The following LIMK1 variants were observed in gnomAD, a reference collection of about 807,000 sequenced individuals.
The protein encoded by LIMK1 is LIM motif-containing protein kinase.
A neutral mutation model predicts 77.6 loss-of-function variants in LIMK1; 21 were observed. The observed-to-expected ratio is 0.27, with a 90% CI of 0.19 to 0.39. LIMK1 has a LOEUF of 0.39. Among genes scored for constraint, LIMK1 ranks in the 10% least tolerant of loss-of-function variants. The pLI is 1.00. For missense variants in LIMK1, 696 were observed against 901.6 expected, an observed-to-expected ratio of 0.77 and a Z score of 2.92; for synonymous variants, 358 against 370.0, an observed-to-expected ratio of 0.97 and a Z score of 0.37.
At chr7:74,100,476 G>A (rs997476336) in intron 5 of LIMK1, among the ~76,000 whole-genome samples, 3 of 152,116 alleles carry the variant, frequency 2.0e-5, no homozygotes, top group African/African-American at 7.2e-5. Flanking sequence ...AGTCTGGGGT[G>A]CAGTGGTGTG....
Position 74,105,988 on chromosome 7 carries a change from C to A in LIMK1, c.714+8C>A, listed in dbSNP as rs781832379. ...AATGTGCCCCTGGACGAGGTACGGT[C>A]CTGAGTCTGTGGGGCAGGACGGGAG... On this transcript the variant is annotated splice_region_variant and intron_variant, in intron 6 of 15. Transcript: ENST00000336180. 6.2e-7 allele frequency: 1 copy of A among 1,613,880 alleles called. No individual in the cohort carries two copies. Among genetic ancestry groups the A allele is most frequent in the Admixed American group, 1.7e-5 (1 of 60,002 alleles).
chr7:74,083,954 GC>G lies in LIMK1; in HGVS notation c.-33del. ...GAGCTCGCGGGCCCGGCCGCCCCCA[GC>G]CCCAGCCCCGCCGGGCCCCGCCCCC... On this transcript the variant is annotated 5_prime_UTR_variant, in exon 1 of 16. Transcript: ENST00000336180. 1 of 962,202 alleles carries G rather than the reference GC, an allele frequency of 1.0e-6. No individual in the cohort carries two copies. Among genetic ancestry groups the G allele is most frequent in the Non-Finnish European group, 1.4e-6 (1 of 728,748 alleles). The allele number at this position is 962,202 out of a possible 1,614,324, so 59.6% of individuals were successfully genotyped here.
chr7:74,120,228 A>G (rs1554700312), intron 13 of LIMK1, among the ~76,000 whole-genome samples: 1 of 152,222 alleles, frequency 6.6e-6, no homozygotes, highest in Non-Finnish European at 1.5e-5. Context: ...TCCCATCTGC[A>G]AAAGACCCTT....
At chr7:74,119,912 TA>T (rs1488715397) in intron 13 of LIMK1, among the ~76,000 whole-genome samples, 1 of 152,108 alleles carries the variant, frequency 6.6e-6, no homozygotes, top group Non-Finnish European at 1.5e-5. Flanking sequence ...CATCTCAAGA[TA>T]AAATAAACAG....
rs141325537 is a variant in LIMK1 at position 74,115,163 on chromosome 7, C to G, written c.1411-639C>G. ...TCTTGATGGGCACAGTGGCTCACAC[C>G]TGTAATCCCAGCACTTTGGTAGGCC... is the stretch of plus-strand genomic sequence containing the variant. On this transcript the variant is annotated intron_variant, in intron 12 of 15. Coordinates refer to ENST00000336180, the MANE Select transcript of LIMK1 (RefSeq NM_002314.4). Among the ~76,000 whole-genome samples, 3 of 152,302 alleles carry G rather than the reference C, an allele frequency of 2.0e-5. No homozygotes were observed. In the East Asian group the frequency reaches 5.8e-4, roughly 29 times the overall value.
chr7:74,086,573 G>A (rs1799141475), intron 2 of LIMK1, among the ~76,000 whole-genome samples: 1 of 152,084 alleles, frequency 6.6e-6, no homozygotes, highest in Non-Finnish European at 1.5e-5. Context: ...TGAGACCCAG[G>A]CTGGTCTTGA....
At chr7:74,108,016 C>G (rs1044129785) in intron 9 of LIMK1, 59 bp downstream of exon 9, 5 of 1,273,890 alleles carry the variant, frequency 3.9e-6, no homozygotes, top group South Asian at 3.8e-5. Context: ...CACCCCTGCC[C>G]CATCAACACA....
chr7:74,100,335 G>T (rs1799429407), intron 5 of LIMK1, among the ~76,000 whole-genome samples: 1 of 152,150 alleles, frequency 6.6e-6, no homozygotes, highest in African/African-American at 2.4e-5. Context: ...CAATGAGGGA[G>T]TTGGATACCT....
At position 74,086,970 on chromosome 7, in the gene LIMK1, G is replaced by A. The variant is rs571891425; in HGVS notation, c.152+1126G>A. On this transcript the variant is annotated intron_variant, in intron 2 of 15. Coordinates refer to ENST00000336180, the MANE Select transcript of LIMK1 (RefSeq NM_002314.4). ...AAGAAAGTAGGGTCAGGGTTGTGGC[G>A]GAGGATAAAGAGTACATGAGGACCT... Among the ~76,000 whole-genome samples, 30 of 152,258 alleles carry A rather than the reference G, an allele frequency of 2.0e-4. 1 individual carries two copies. In the South Asian group the frequency reaches 4.8e-3, roughly 24 times the overall value.
At chr7:74,121,114 C>T (rs782448433) in intron 15 of LIMK1, 25 bp from the exon 16 acceptor site, 32 of 1,606,682 alleles carry the variant, frequency 2.0e-5, no homozygotes, top group Admixed American at 6.7e-5. Context: ...CCAGACCCAC[C>T]GTTCCCCACC....
In LIMK1 at chr7:74,122,321, T is replaced by G. The variant is rs2115781592; in HGVS notation, c.*1020T>G. On this transcript the variant is annotated 3_prime_UTR_variant, in exon 16 of 16. Coordinates refer to ENST00000336180, the MANE Select transcript of LIMK1 (RefSeq NM_002314.4). ...GGGCGGGGGTGGGAGGGCCATTTTGTCACTTTGCCTCAGTTGAGCATCTAG... is the reference window on the plus strand; with the variant it reads ...GGGCGGGGGTGGGAGGGCCATTTTGGCACTTTGCCTCAGTTGAGCATCTAG... The G allele has an allele frequency of 6.6e-6, 1 of 152,414 alleles. No individual in the cohort carries two copies. Among genetic ancestry groups the G allele is most frequent in the East Asian group, 1.9e-4 (1 of 5,160 alleles). The allele number at this position is 152,414 out of a possible 1,614,324, so 9.4% of individuals were successfully genotyped here.
intron 2 of LIMK1, among the ~76,000 whole-genome samples, chr7:74,094,999 G>T (rs1392243726): frequency 6.6e-6 from 1 of 152,116 alleles, no homozygotes; most frequent in Non-Finnish European, 1.5e-5. Context: ...AGGGGAAGTG[G>T]CTGGATCCTC....
In LIMK1 at chr7:74,097,586, G is replaced by T. The variant is rs1799362026; in HGVS notation, c.401+397G>T. Among the ~76,000 whole-genome samples, 5 of 152,344 alleles carry T rather than the reference G, an allele frequency of 3.3e-5. No homozygotes were observed. In the South Asian group the frequency reaches 1.0e-3, roughly 32 times the overall value. ...AGCTACTCAGGAGGCTGAGGCAGGA[G>T]ACTCTCTTGAACCTGGGAGGTGGAA... On this transcript the variant is annotated intron_variant, in intron 4 of 15. Transcript: ENST00000336180.
chr7:74,084,190 C>T (rs1222124725), intron 1 of LIMK1, 145 bp downstream of exon 1: 1 of 336,536 alleles, frequency 3.0e-6, no homozygotes, highest in Admixed American at 5.0e-5. Flanking sequence ...GCAGGCCCCT[C>T]CCTGTCCCCC....
At chr7:74,093,024 G>C (rs567905605) in intron 2 of LIMK1, 2 of 972,718 alleles carry the variant, frequency 2.1e-6, no homozygotes, top group Non-Finnish European at 2.9e-6. Context: ...CTCCCCACCC[G>C]CACCAAAGCC....
chr7:74,110,523 G>A (rs1799674205), intron 10 of LIMK1: 1 of 152,158 alleles, frequency 6.6e-6, no homozygotes, highest in Non-Finnish European at 1.5e-5. Context: ...AGAAAGATGA[G>A]TTTTTTGTTT....
chr7:74,121,224 C>A lies in LIMK1; in HGVS notation c.1867C>A (p.Gln623Lys), dbSNP rs1799931905. Reference sequence around the variant, plus strand: ...CCTGCCACTGGGCCCACAGCTGGAGCAGCTGGACAGAGGTTTCTGGGAGAC... The same window carrying A: ...CCTGCCACTGGGCCCACAGCTGGAGAAGCTGGACAGAGGTTTCTGGGAGAC... ...GHLPLGPQLE[Q>K]LDRGFWETYR... Residue 623 changes from glutamine to lysine, a missense_variant, in exon 16 of 16, where the codon CAG (glutamine) becomes AAG (lysine). Physicochemically the swap from Gln to Lys is moderately conservative, Grantham distance 53. Around this residue, in one of 3 missense-constraint regions of LIMK1, gnomAD observed 438 missense variants for 602.3 expected, o/e 0.73. Coordinates refer to ENST00000336180, the MANE Select transcript of LIMK1 (RefSeq NM_002314.4). 3 of 1,613,860 alleles carry A rather than the reference C, an allele frequency of 1.9e-6. No homozygotes were observed. In the East Asian group the frequency reaches 6.7e-5, roughly 36 times the overall value.
chr7:74,102,780 C>A (rs1799492786), intron 5 of LIMK1, among the ~76,000 whole-genome samples: 1 of 151,946 alleles, frequency 6.6e-6, no homozygotes, highest in African/African-American at 2.4e-5. Flanking sequence ...TACTGAACTA[C>A]TGAGCTGTCC....
intron 2 of LIMK1, among the ~76,000 whole-genome samples, chr7:74,090,783 T>G (rs1255151083): frequency 1.3e-5 from 2 of 152,164 alleles, no homozygotes; most frequent in Non-Finnish European, 2.9e-5. Context: ...ATTTCCACTT[T>G]CCTGGCCCCT....
Sources: allele counts gnomAD v4.1 joint callset (sites outside exome capture counted in the v4.1 genomes callset), GRCh38; gene constraint gnomAD v4.1.1; regional missense constraint gnomAD v4.1.1; transcripts MANE v1.5; gene names NCBI Gene and HGNC (gene_info 2026-07-23, HGNC 2026-07-21).